Variants in OLFML2A observed in about 807,000 individuals in gnomAD.
OLFML2A encodes olfactomedin-like protein 2A.
Under a neutral mutation model 60.9 loss-of-function variants are expected in OLFML2A, and 47 were observed. The observed-to-expected ratio is 0.77, with a 90% CI of 0.61 to 0.98. OLFML2A has a LOEUF of 0.98. Among genes scored for constraint, OLFML2A ranks in the 50% least tolerant of loss-of-function variants. OLFML2A has a pLI of 0.00. For synonymous variants in OLFML2A, 372 were observed against 375.0 expected, an observed-to-expected ratio of 0.99 and a Z score of 0.09; for missense variants, 922 against 879.8, an observed-to-expected ratio of 1.05 and a Z score of -0.61.
At chr9:124,788,089 T>G (rs1169051331) in intron 2 of OLFML2A, among the ~76,000 whole-genome samples, 1 of 147,100 alleles carries the variant, frequency 6.8e-6, no homozygotes, top group African/African-American at 2.5e-5. Flanking sequence ...TCACCTGAGG[T>G]GAGGAGTTTG....
chr9:124,786,447 G>A (rs150175861), intron 1 of OLFML2A, among the ~76,000 whole-genome samples: 2,794 of 151,522 alleles, frequency 0.018, 82 homozygotes, highest in African/African-American at 0.062. Context: ...CGGGCCGGGC[G>A]CGGTGGCTCA....
rs1842037774 is a variant in OLFML2A at position 124,812,365 on chromosome 9, TG to T, written c.*1955del. ...AGTAGAGACAGGGGTTTCACCACGT[TG>T]GCCAGGCTGGTCTCGAACTCCTGAC... is the stretch of plus-strand genomic sequence containing the variant. On this transcript the variant is annotated 3_prime_UTR_variant, in exon 8 of 8. Coordinates refer to ENST00000373580, the MANE Select transcript of OLFML2A (RefSeq NM_182487.4). 6.6e-6 allele frequency: 1 copy of T among 152,216 alleles called. No individual in the cohort carries two copies. 9.4% of individuals were successfully genotyped at this position (152,216 alleles called of 1,614,324 possible).
chr9:124,793,526 G>A (rs1049922392), intron 2 of OLFML2A, among the ~76,000 whole-genome samples: 2 of 152,212 alleles, frequency 1.3e-5, no homozygotes, highest in African/African-American at 4.8e-5. Context: ...GCCGAATGTT[G>A]GGAAAGAGAC....
rs1841282675 is a variant in OLFML2A, at chr9:124,777,679, A to C, written c.90+319A>C. Among the ~76,000 whole-genome samples, 1 of 151,930 alleles carries C rather than the reference A, an allele frequency of 6.6e-6. No homozygotes were observed. Among genetic ancestry groups the C allele is most frequent in the African/African-American group, 2.4e-5 (1 of 41,344 alleles). ...GGCCAGACTCGGGGTTCGTAGGGGA[A>C]GCTCCTGGCAACTGTTACCCAACGA... On this transcript the variant is annotated intron_variant, in intron 1 of 7. Coordinates refer to ENST00000373580, the MANE Select transcript of OLFML2A (RefSeq NM_182487.4). This position sits in a 1 kb window ranked among gnomAD's most constrained non-coding sequence, Gnocchi z 6.2.
At position 124,807,926 on chromosome 9, in the gene OLFML2A, C is replaced by T. The variant is rs1187703461; in HGVS notation, c.1314C>T (p.Asn438=). The T allele has an allele frequency of 1.2e-6, 2 of 1,614,202 alleles. No homozygotes were observed. The highest frequency in any genetic ancestry group is 1.7e-6 in the Non-Finnish European group (2 of 1,180,014). The change falls in exon 7 of 8, where the codon AAC becomes AAT. Residue 438 remains asparagine (N), a synonymous_variant. Transcript: ENST00000373580. ...RIYVTNYYYG[N]SLVEFRNLEN... ...ATGTCACCAACTACTACTATGGAAACAGCCTGGTGGAGTTCCGCAACCTGG... is the reference window on the plus strand; with the variant it reads ...ATGTCACCAACTACTACTATGGAAATAGCCTGGTGGAGTTCCGCAACCTGG...
intron 1 of OLFML2A, among the ~76,000 whole-genome samples, chr9:124,778,409 T>G (rs914778798): frequency 9.1e-5 from 13 of 142,742 alleles, no homozygotes; most frequent in African/African-American, 2.9e-4. Flanking sequence ...GCACTTGGGG[T>G]GTTCTGGAAA....
rs772146508 is a variant in OLFML2A at position 124,807,980 on chromosome 9, G to A, written c.1354+14G>A. ...ACTTCAAGCAAGGTCAGGGACCCCC[G>A]GAGGTGGAGAGGGGGCTGGGTATGG... is the stretch of plus-strand genomic sequence containing the variant. On this transcript the variant is annotated intron_variant, in intron 7 of 7. Coordinates refer to ENST00000373580, the MANE Select transcript of OLFML2A (RefSeq NM_182487.4). 25 of 1,610,136 alleles carry A rather than the reference G, an allele frequency of 1.6e-5. No homozygotes were observed. The highest frequency in any genetic ancestry group is 2.2e-5 in the South Asian group (2 of 90,818).
In OLFML2A at chr9:124,807,915, T is replaced by C; in HGVS notation, c.1303T>C (p.Tyr435His). 5.0e-6 allele frequency: 8 copies of C among 1,614,160 alleles called. No homozygotes were observed. The highest frequency in any genetic ancestry group is 6.8e-6 in the Non-Finnish European group (8 of 1,180,010). The stretch of plus-strand genomic sequence containing the variant: ...CGACAGGATCTATGTCACCAACTAC[T>C]ACTATGGAAACAGCCTGGTGGAGTT... ...RDDRIYVTNY[Y>H]YGNSLVEFRN... Residue 435 changes from tyrosine (Y) to histidine (H), a missense_variant, in exon 7 of 8, where the codon TAC becomes CAC. By Grantham distance (83) the Tyr-to-His change is moderately conservative. Transcript: ENST00000373580.
intron 1 of OLFML2A, among the ~76,000 whole-genome samples, chr9:124,785,284 C>G (rs529304550): frequency 6.6e-6 from 1 of 150,910 alleles, no homozygotes; most frequent in South Asian, 2.1e-4. Flanking sequence ...GAATATTTCT[C>G]TATTCAGTTG....
intron 6 of OLFML2A, among the ~76,000 whole-genome samples, chr9:124,807,292 C>CTTTTTT (rs1220692026): frequency 1.2e-5 from 1 of 86,510 alleles, no homozygotes. Flanking sequence ...TTTCTCCATT[C>CTTTTTT]TCTTTTTTTT....
rs534548756 is a variant in OLFML2A at position 124,809,927 on chromosome 9, C to A, written c.1474C>A (p.Arg492=). 11 of 1,614,076 alleles carry A rather than the reference C, an allele frequency of 6.8e-6. No individual in the cohort carries two copies. Among genetic ancestry groups the A allele is most frequent in the East Asian group, 4.5e-5 (2 of 44,898 alleles). Reference sequence around the variant, plus strand: ...CAAGAACATCATCAAGTACGACCTACGGCAGCGCTTCGTGGCCTCCTGGGC... The same window carrying A: ...CAAGAACATCATCAAGTACGACCTAAGGCAGCGCTTCGTGGCCTCCTGGGC... ...FTKNIIKYDL[R]QRFVASWALL... The change falls in exon 8 of 8, where the codon CGG becomes AGG. Residue 492 remains arginine (R), a synonymous_variant. Transcript: ENST00000373580.
chr9:124,788,436 T>C (rs1841519019), intron 2 of OLFML2A, among the ~76,000 whole-genome samples: 3 of 151,832 alleles, frequency 2.0e-5, no homozygotes, highest in Admixed American at 2.0e-4. Flanking sequence ...TGAAACCCTG[T>C]CTCTACTAAA....
intron 3 of OLFML2A, among the ~76,000 whole-genome samples, chr9:124,799,027 C>T (rs1203582139): frequency 6.6e-6 from 1 of 152,064 alleles, no homozygotes; most frequent in Admixed American, 6.6e-5. Flanking sequence ...TTTTTATAGC[C>T]GTTGATATCT....
chr9:124,808,414 G>C (rs1033813769), intron 7 of OLFML2A, among the ~76,000 whole-genome samples: 4 of 152,180 alleles, frequency 2.6e-5, no homozygotes, highest in Non-Finnish European at 5.9e-5. Flanking sequence ...TCTGGGCAGG[G>C]GCCAGGATGG....
In OLFML2A at chr9:124,777,393, C is replaced by G. The variant is rs1841277849; in HGVS notation, c.90+33C>G. 1 of 1,228,752 alleles carries G rather than the reference C, an allele frequency of 8.1e-7. No individual in the cohort carries two copies. Among genetic ancestry groups the G allele is most frequent in the African/African-American group, 1.6e-5 (1 of 63,830 alleles). 76.1% of individuals were successfully genotyped at this position (1,228,752 alleles called of 1,614,324 possible). A position where few individuals can be genotyped will look rare whatever the true frequency, so the allele number is the denominator to read the frequency against. On this transcript the variant is annotated intron_variant, in intron 1 of 7. Transcript: ENST00000373580. The surrounding 1 kb of genome is among the most constrained non-coding windows in gnomAD (Gnocchi z 6.2). ...CGCCCCTCGGACCCGCGCGGCTCGG[C>G]GGGTAGCGGGGCGCGAGGGGGCGCT...
rs33992732 is a variant in OLFML2A, at chr9:124,779,547, TG to T, written c.90+2197del. Among the ~76,000 whole-genome samples, 86,763 of 133,116 alleles carry T rather than the reference TG, an allele frequency of 0.65. 26,555 individuals are homozygous for T. The highest frequency in any genetic ancestry group is 0.78 in the African/African-American group (30,152 of 38,434). 87.3% of individuals were successfully genotyped at this position (133,116 alleles called of 152,430 possible). Reference sequence around the variant, plus strand: ...CTTGCTAGGTTGTGTGTGTGTGTGGTGGGGGGGGGGTGTTTAGCTGTCCCAG... The same window carrying T: ...CTTGCTAGGTTGTGTGTGTGTGTGGTGGGGGGGGGTGTTTAGCTGTCCCAG... On this transcript the variant is annotated intron_variant, in intron 1 of 7. Coordinates refer to ENST00000373580, the MANE Select transcript of OLFML2A (RefSeq NM_182487.4). The surrounding 1 kb of genome is among the most constrained non-coding windows in gnomAD (Gnocchi z 4.1).
Position 124,810,437 on chromosome 9 carries a change from G to A in OLFML2A, c.*25G>A, listed in dbSNP as rs751743611. ...AGTGGAGACCTGTGCTCCCCGGAGA[G>A]GGGCAGCAGTGCGGGAGGGGCTTTG... On this transcript the variant is annotated 3_prime_UTR_variant, in exon 8 of 8. Coordinates refer to ENST00000373580, the MANE Select transcript of OLFML2A (RefSeq NM_182487.4). 13 of 1,570,572 alleles carry A rather than the reference G, an allele frequency of 8.3e-6. No individual in the cohort carries two copies. Among genetic ancestry groups the A allele is most frequent in the East Asian group, 2.3e-5 (1 of 44,408 alleles).
intron 4 of OLFML2A, among the ~76,000 whole-genome samples, chr9:124,800,545 C>T (rs1841753957): frequency 6.6e-6 from 1 of 152,240 alleles, no homozygotes; most frequent in South Asian, 2.1e-4. Flanking sequence ...CTCTTCTTCT[C>T]CACATCTCGG....
At chr9:124,786,382 C>T (rs1454812512) in intron 1 of OLFML2A, among the ~76,000 whole-genome samples, 2 of 151,030 alleles carry the variant, frequency 1.3e-5, no homozygotes, top group Non-Finnish European at 3.0e-5. Flanking sequence ...ATGATCAGGC[C>T]ACTGCACTCC....
Sources: gnomAD v4.1 joint callset for allele counts (sites outside exome capture counted in the v4.1 genomes callset) on GRCh38, gnomAD v4.1.1 for gene constraint, Gnocchi (gnomAD v3.1) non-coding constraint, MANE v1.5 for transcripts, NCBI Gene and HGNC (gene_info 2026-07-23, HGNC 2026-07-21) for gene names.